PSMA8: variants seen among roughly 807,000 people sequenced by gnomAD.
PSMA8 encodes proteasome subunit alpha-type 8.
PSMA8 carries 18 observed loss-of-function variants against 32.4 expected under a neutral mutation model. The observed-to-expected ratio is 0.56, with a 90% CI of 0.38 to 0.82. The LOEUF (loss-of-function observed/expected upper bound fraction) is 0.82. PSMA8 is among the 40% of genes least tolerant of loss of function. The pLI, the probability that PSMA8 is intolerant of heterozygous loss-of-function variation, is 0.00. For synonymous variants in PSMA8, 104 were observed against 98.1 expected, an observed-to-expected ratio of 1.06 and a Z score of -0.36; for missense variants, 298 against 300.7, an observed-to-expected ratio of 0.99 and a Z score of 0.07.
chr18:26,162,562 C>T (rs2055143811), intron 4 of PSMA8, among the ~76,000 whole-genome samples: 1 of 152,056 alleles, frequency 6.6e-6, no homozygotes, highest in Non-Finnish European at 1.5e-5. Flanking sequence ...TAATGCATAG[C>T]TAAATACAAA....
intron 4 of PSMA8, among the ~76,000 whole-genome samples, chr18:26,175,231 T>C (rs1285787069): frequency 1.3e-5 from 2 of 152,200 alleles, no homozygotes; most frequent in African/African-American, 2.4e-5. Context: ...AAAGCTGCTT[T>C]GCACTTGTTA....
chr18:26,185,336 G>A (rs2055344674), intron 6 of PSMA8, among the ~76,000 whole-genome samples: 1 of 150,604 alleles, frequency 6.6e-6, no homozygotes. Flanking sequence ...CAGACACAGT[G>A]TGTTTAACAA....
At chr18:26,164,843 A>G (rs2055165083) in intron 4 of PSMA8, among the ~76,000 whole-genome samples, 1 of 152,174 alleles carries the variant, frequency 6.6e-6, no homozygotes, top group African/African-American at 2.4e-5. Flanking sequence ...TAATGTAATT[A>G]TATAAGAGAA....
rs951622162 is a variant in PSMA8 at position 26,158,113 on chromosome 18, T to C, written c.355-9T>C. The stretch of plus-strand genomic sequence containing the variant: ...AGTTTTATTCTAAAAATACGTTTTA[T>C]TTTTCTAGAAATATACCCAAAGCAA... On this transcript the variant is annotated splice_polypyrimidine_tract_variant and intron_variant, in intron 3 of 6. Transcript: ENST00000415576. 6.4e-7 allele frequency: 1 copy of C among 1,560,878 alleles called. No individual in the cohort carries two copies.
Position 26,151,965 on chromosome 18 carries a change from A to G in PSMA8, c.337A>G (p.Ile113Val). 1.3e-6 allele frequency: 2 copies of G among 1,599,538 alleles called. No homozygotes were observed. Among genetic ancestry groups the G allele is most frequent in the Non-Finnish European group, 1.7e-6 (2 of 1,175,960 alleles). Residue 113 changes from isoleucine (I) to valine (V), a missense_variant, in exon 3 of 7, where the codon ATA (isoleucine) becomes GTA (valine). Physicochemically the swap from Ile to Val is conservative, Grantham distance 29 (BLOSUM62 3). Coordinates refer to ENST00000415576, the MANE Select transcript of PSMA8 (RefSeq NM_001025096.2). ...CACTGTAGAATACATAACTCGCTTC[A>G]TAGCAACTTTAAAGCAGGTAAGCTA... is the stretch of plus-strand genomic sequence containing the variant. Reference protein sequence around the residue: ...PVTVEYITRFIATLKQKYTQS... With the variant: ...PVTVEYITRFVATLKQKYTQS...
intron 4 of PSMA8, among the ~76,000 whole-genome samples, chr18:26,158,722 A>G (rs553937372): frequency 6.6e-6 from 1 of 152,264 alleles, no homozygotes; most frequent in South Asian, 2.1e-4. Context: ...TTCCTAGCAT[A>G]TAGTTTGTTT....
rs116998179 is a variant in PSMA8 at position 26,174,022 on chromosome 18, T to C, written c.478-4808T>C. 4.4e-4 allele frequency among the ~76,000 whole-genome samples: 67 copies of C among 152,300 alleles called. No homozygotes were observed. In the East Asian group the frequency reaches 0.013, roughly 29 times the overall value. ...CTCTCCCTTTGAACTTTTGAAGCAT[T>C]AGTAATTCTTACAGCTTTTTAAAAT... On this transcript the variant is annotated intron_variant, in intron 4 of 6. Coordinates refer to ENST00000415576, the MANE Select transcript of PSMA8 (RefSeq NM_001025096.2).
intron 1 of PSMA8, among the ~76,000 whole-genome samples, chr18:26,134,613 G>A (rs967640696): frequency 6.6e-6 from 1 of 152,092 alleles, no homozygotes; most frequent in African/African-American, 2.4e-5. Flanking sequence ...TTAAACTTTT[G>A]TTGATGAAGA....
chr18:26,184,771 C>A (rs2055339311), intron 6 of PSMA8, among the ~76,000 whole-genome samples: 1 of 134,228 alleles, frequency 7.5e-6, no homozygotes, highest in African/African-American at 2.9e-5. Context: ...AAGACTCTGT[C>A]TCAAAAAAAA....
rs2055413090 is a variant in PSMA8 at position 26,192,549 on chromosome 18, T to C, written c.*138T>C. 2 of 986,548 alleles carry C rather than the reference T, an allele frequency of 2.0e-6. No homozygotes were observed. The highest frequency in any genetic ancestry group is 3.4e-5 in the African/African-American group (2 of 58,054). The allele number at this position is 986,548 out of a possible 1,614,324, so 61.1% of individuals were successfully genotyped here. On this transcript the variant is annotated 3_prime_UTR_variant, in exon 7 of 7. Coordinates refer to ENST00000415576, the MANE Select transcript of PSMA8 (RefSeq NM_001025096.2). ...TGTGTGATGTTTTGAGAATGCCAGA[T>C]CTGTGGCTGTCTTCATTCTATTACA... is the stretch of plus-strand genomic sequence containing the variant.
intron 4 of PSMA8, among the ~76,000 whole-genome samples, chr18:26,162,591 C>T (rs896772356): frequency 5.3e-5 from 8 of 152,110 alleles, no homozygotes; most frequent in Non-Finnish European, 7.3e-5. Context: ...CCTGGCTGGG[C>T]GCGGTGTCTC....
intron 2 of PSMA8, among the ~76,000 whole-genome samples, chr18:26,151,313 A>G (rs1408969866): frequency 6.6e-6 from 1 of 152,186 alleles, no homozygotes. Context: ...GTTTAATAGA[A>G]ATGTTTGCAA....
At chr18:26,153,838 T>TAAG (rs1273402455) in intron 3 of PSMA8, among the ~76,000 whole-genome samples, 8 of 152,324 alleles carry the variant, frequency 5.3e-5, no homozygotes, top group Admixed American at 4.6e-4. Context: ...GTAAATGATT[T>TAAG]AAGACATTTT....
At chr18:26,176,505 T>C (rs892793195) in intron 4 of PSMA8, among the ~76,000 whole-genome samples, 1 of 152,246 alleles carries the variant, frequency 6.6e-6, no homozygotes, top group African/African-American at 2.4e-5. Flanking sequence ...TATAATGGCA[T>C]AGAAAAATTA....
intron 3 of PSMA8, 85 bp downstream of exon 3, chr18:26,152,067 C>T (rs2055050820): frequency 1.0e-6 from 1 of 992,196 alleles, no homozygotes; most frequent in Non-Finnish European, 1.4e-6. Context: ...ACAGTTACTC[C>T]AACCATGTAG....
intron 2 of PSMA8, 21 bp from the exon 3 acceptor site, chr18:26,151,837 A>G (rs775757984): frequency 1.3e-6 from 2 of 1,570,994 alleles, no homozygotes; most frequent in Non-Finnish European, 1.7e-6. Flanking sequence ...GGTTTTTGTG[A>G]AGTTTTGACA....
chr18:26,160,154 C>A (rs9951169), intron 4 of PSMA8, among the ~76,000 whole-genome samples: 40,352 of 151,912 alleles, frequency 0.27, 9,674 homozygotes, highest in African/African-American at 0.64. Flanking sequence ...CAATTTAAAT[C>A]TTAGCCAGGC....
At chr18:26,164,082 T>C (rs2055159281) in intron 4 of PSMA8, among the ~76,000 whole-genome samples, 1 of 152,204 alleles carries the variant, frequency 6.6e-6, no homozygotes, top group Admixed American at 6.5e-5. Context: ...GATTTAGCAA[T>C]GTGCAGGTCA....
rs113341733 is a variant in PSMA8 at position 26,146,901 on chromosome 18, A to T, written c.229+2216A>T. ...CCGTAGGCTGTACAGGAAGCATAGC[A>T]GCTTCTGCTTTTGGGCGGCCTCAGT... On this transcript the variant is annotated intron_variant, in intron 2 of 6. Transcript: ENST00000415576. 2.2e-4 allele frequency among the ~76,000 whole-genome samples: 34 copies of T among 152,312 alleles called. 2 individuals carry two copies. The highest frequency in any genetic ancestry group is 7.9e-4 in the African/African-American group (33 of 41,568).
Sources: allele counts gnomAD v4.1 joint callset (sites outside exome capture counted in the v4.1 genomes callset), GRCh38; gene constraint gnomAD v4.1.1; transcripts MANE v1.5; gene names NCBI Gene and HGNC (gene_info 2026-07-23, HGNC 2026-07-21).